The following TBC1D31 variants were observed in gnomAD, a reference collection of about 807,000 sequenced individuals.
TBC1D31 encodes TBC1 domain family member 31.
TBC1D31 carries 99 observed loss-of-function variants against 132.9 expected under a neutral mutation model. The ratio of observed to expected loss-of-function variants is 0.74; its 90% CI spans 0.63 to 0.88. The LOEUF (loss-of-function observed/expected upper bound fraction) is 0.88. Among genes scored for constraint, TBC1D31 ranks in the 40% least tolerant of loss-of-function variants. TBC1D31 has a pLI of 0.00. For missense variants in TBC1D31, 1,134 were observed against 1,256.6 expected, an observed-to-expected ratio of 0.90 and a Z score of 1.48; for synonymous variants, 385 against 419.4, an observed-to-expected ratio of 0.92 and a Z score of 1.00.
chr8:123,117,377 C>G (rs535167953), intron 10 of TBC1D31, among the ~76,000 whole-genome samples: 32 of 151,850 alleles, frequency 2.1e-4, no homozygotes, highest in Non-Finnish European at 3.7e-4. Flanking sequence ...TCCCCCAAGA[C>G]AGTTATTAAT....
At chr8:123,076,882 G>A (rs1217133593) in intron 1 of TBC1D31, among the ~76,000 whole-genome samples, 1 of 152,150 alleles carries the variant, frequency 6.6e-6, no homozygotes, top group South Asian at 2.1e-4. Flanking sequence ...CTGACACAGT[G>A]AGTTTTCAAG....
At chr8:123,108,884 A>G (rs1438628265) in intron 8 of TBC1D31, among the ~76,000 whole-genome samples, 1 of 152,182 alleles carries the variant, frequency 6.6e-6, no homozygotes, top group Non-Finnish European at 1.5e-5. Flanking sequence ...GAATATGTGG[A>G]GGAGAGACTG....
Position 123,109,381 on chromosome 8 carries a change from AT to A in TBC1D31, c.1275del (p.Pro426GlnfsTer26). ...ATCTTATTAAAAGGCTATGGTGAAT[AT>A]CCAACAAAATACAGGTACAATTTAA... is the stretch of plus-strand genomic sequence containing the variant. ...LQILLKGYGE[Y>X]PTKYRMFIWR... On this transcript the variant is annotated frameshift_variant, in exon 9 of 22. Coordinates refer to ENST00000287380, the MANE Select transcript of TBC1D31 (RefSeq NM_145647.4). LOFTEE classifies it high-confidence loss of function. The A allele has an allele frequency of 6.2e-7, 1 of 1,610,792 alleles. No individual in the cohort carries two copies. Among genetic ancestry groups the A allele is most frequent in the Non-Finnish European group, 8.5e-7 (1 of 1,177,834 alleles).
At chr8:123,095,295 G>C (rs1159182269) in intron 5 of TBC1D31, among the ~76,000 whole-genome samples, 3 of 152,160 alleles carry the variant, frequency 2.0e-5, no homozygotes, top group African/African-American at 4.8e-5. Context: ...CCTAGATCTA[G>C]TACTGCCTTA....
chr8:123,120,948 T>C (rs1276357324), intron 11 of TBC1D31, among the ~76,000 whole-genome samples: 1 of 151,644 alleles, frequency 6.6e-6, no homozygotes. Flanking sequence ...TTTAGATTGT[T>C]CCTAATTTTA....
intron 1 of TBC1D31, among the ~76,000 whole-genome samples, chr8:123,074,698 A>G (rs765038528): frequency 2.6e-5 from 4 of 152,326 alleles, no homozygotes; most frequent in South Asian, 2.1e-4. Flanking sequence ...TGTGTTCGTT[A>G]AAACCCATTG....
At chr8:123,075,183 G>A (rs1380387488) in intron 1 of TBC1D31, 2 of 152,118 alleles carry the variant, frequency 1.3e-5, no homozygotes, top group East Asian at 1.9e-4. Context: ...GAGTTTAGTT[G>A]CCATGAAACA....
At chr8:123,072,963 G>C (rs1053155664) in intron 1 of TBC1D31, 117 bp downstream of exon 1, 2 of 1,036,672 alleles carry the variant, frequency 1.9e-6, no homozygotes, top group East Asian at 2.6e-5. Flanking sequence ...CGCATCCCTG[G>C]GTTGGATGAC....
At chr8:123,082,559 A>G (rs1422907928) in intron 2 of TBC1D31, 143 bp from the exon 3 acceptor site, 2 of 613,380 alleles carry the variant, frequency 3.3e-6, no homozygotes, top group African/African-American at 1.9e-5. Flanking sequence ...TATGGCACAT[A>G]GCACCCTTCA....
chr8:123,138,494 A>T (rs1821313788), intron 17 of TBC1D31, among the ~76,000 whole-genome samples: 1 of 152,212 alleles, frequency 6.6e-6, no homozygotes, highest in South Asian at 2.1e-4. Flanking sequence ...TATTTGGTAC[A>T]TACAATTTGT....
the TBC1D31 span, among the ~76,000 whole-genome samples, chr8:123,157,292 G>A: frequency 2.6e-5 from 4 of 152,172 alleles, no homozygotes; most frequent in East Asian, 1.9e-4. Context: ...TACCTACTGC[G>A]CTAACGAGGC....
intron 16 of TBC1D31, among the ~76,000 whole-genome samples, chr8:123,133,574 T>G (rs960749947): frequency 6.6e-6 from 1 of 152,204 alleles, no homozygotes; most frequent in African/African-American, 2.4e-5. Flanking sequence ...ATATCCCATA[T>G]CCAAAGCCTC....
In TBC1D31 at chr8:123,126,644, C is replaced by A; in HGVS notation, c.1841C>A (p.Ser614Tyr). 6.2e-7 allele frequency: 1 copy of A among 1,613,972 alleles called. No homozygotes were observed. The highest frequency in any genetic ancestry group is 2.2e-5 in the East Asian group (1 of 44,872). Residue 614 changes from serine to tyrosine, a missense_variant, in exon 13 of 22, where the codon TCT becomes TAT. By Grantham distance (144) the Ser-to-Tyr change is moderately radical. Coordinates refer to ENST00000287380, the MANE Select transcript of TBC1D31 (RefSeq NM_145647.4). ...LMTVVAYNIC[S>Y]RTPLLSCNLK... is the part of the protein sequence containing the mutation. ...ACTGTTGTAGCCTACAACATATGTT[C>A]TAGAACGCCTCTGCTCAGCTGTAAT... is the stretch of plus-strand genomic sequence containing the variant.
chr8:123,161,160 TCC>T, the TBC1D31 span, among the ~76,000 whole-genome samples: 1 of 151,964 alleles, frequency 6.6e-6, no homozygotes, highest in Admixed American at 6.5e-5. Context: ...GCGCCGGGGC[TCC>T]CCGACCAAGA....
chr8:123,155,185 T>C (rs1822955493), downstream of TBC1D31, among the ~76,000 whole-genome samples: 1 of 152,066 alleles, frequency 6.6e-6, no homozygotes, highest in Admixed American at 6.5e-5. This position sits in a 1 kb window ranked among gnomAD's most constrained non-coding sequence, Gnocchi z 4.1. Flanking sequence ...AGGGGTGGAT[T>C]GATCACATCT....
intron 2 of TBC1D31, among the ~76,000 whole-genome samples, chr8:123,080,227 G>A (rs114720582): frequency 0.018 from 2,783 of 152,212 alleles, 70 homozygotes; most frequent in African/African-American, 0.063. Flanking sequence ...CTTATGCTCT[G>A]GCTTATATAG....
At chr8:123,148,869 A>G (rs1489896361) in intron 20 of TBC1D31, among the ~76,000 whole-genome samples, 1 of 152,094 alleles carries the variant, frequency 6.6e-6, no homozygotes, top group East Asian at 1.9e-4. Context: ...CAACCTGGCC[A>G]ACATGGTGAA....
intron 4 of TBC1D31, among the ~76,000 whole-genome samples, chr8:123,090,002 A>G (rs1816179385): frequency 6.6e-6 from 1 of 152,262 alleles, no homozygotes; most frequent in Non-Finnish European, 1.5e-5. Flanking sequence ...AGGGTTTCAG[A>G]AAAGGAACTA....
the TBC1D31 span, among the ~76,000 whole-genome samples, chr8:123,164,546 A>AC: frequency 1.3e-5 from 2 of 151,964 alleles, no homozygotes; most frequent in East Asian, 3.9e-4. Context: ...AGGTGGTGAA[A>AC]CCCCACCTCT....
Sources: gnomAD v4.1 joint callset for allele counts (sites outside exome capture counted in the v4.1 genomes callset) on GRCh38, gnomAD v4.1.1 for gene constraint, Gnocchi (gnomAD v3.1) non-coding constraint, MANE v1.5 for transcripts, NCBI Gene and HGNC (gene_info 2026-07-23, HGNC 2026-07-21) for gene names.